The following MUC15 variants were observed in gnomAD, a reference collection of about 807,000 sequenced individuals.
MUC15 encodes mucin 15, cell surface associated.
In MUC15, 23 loss-of-function variants were observed where a neutral mutation model predicts 24.0. The ratio of observed to expected loss-of-function variants is 0.96; its 90% CI spans 0.69 to 1.36. The LOEUF (loss-of-function observed/expected upper bound fraction) is 1.36, where lower values mean the gene tolerates loss of function less well. MUC15 is among the 40% of genes most tolerant of loss of function. MUC15 has a pLI of 0.00. For missense variants in MUC15, 442 were observed against 428.2 expected, an observed-to-expected ratio of 1.03 and a Z score of -0.29; for synonymous variants, 151 against 156.3, an observed-to-expected ratio of 0.97 and a Z score of 0.25.
At chr11:26,563,707 A>G (rs1850396184) in intron 3 of MUC15, among the ~76,000 whole-genome samples, 1 of 151,864 alleles carries the variant, frequency 6.6e-6, no homozygotes, top group Non-Finnish European at 1.5e-5. Flanking sequence ...GTAATAGAAA[A>G]TGAGTCCACC....
intron 3 of MUC15, among the ~76,000 whole-genome samples, chr11:26,564,575 C>T (rs1045881596): frequency 2.7e-5 from 4 of 147,662 alleles, no homozygotes; most frequent in Admixed American, 1.4e-4. Flanking sequence ...TGACATAATC[C>T]TTAAATGAAA....
intron 2 of MUC15, 21 bp downstream of exon 2, chr11:26,567,031 A>G: frequency 1.4e-6 from 2 of 1,475,670 alleles, no homozygotes; most frequent in Non-Finnish European, 1.8e-6. Flanking sequence ...AGTTTACAGT[A>G]TCATCTTATT....
At chr11:26,569,286 G>T (rs1056840785) in intron 1 of MUC15, among the ~76,000 whole-genome samples, 1 of 152,104 alleles carries the variant, frequency 6.6e-6, no homozygotes, top group African/African-American at 2.4e-5. Context: ...TATCTCCCAG[G>T]AAAAGGAGAG....
chr11:26,570,117 C>A (rs1850761072), intron 1 of MUC15, among the ~76,000 whole-genome samples: 1 of 151,932 alleles, frequency 6.6e-6, no homozygotes, highest in South Asian at 2.1e-4. Flanking sequence ...TCTAAACTTT[C>A]CTGTATATAT....
intron 2 of MUC15, among the ~76,000 whole-genome samples, 196 bp downstream of exon 2, chr11:26,566,856 T>A (rs550302933): frequency 5.3e-4 from 81 of 152,072 alleles, no homozygotes; most frequent in African/African-American, 1.7e-3. Context: ...AGTTGCTTTA[T>A]CATCATTATA....
At chr11:26,565,954 T>A in intron 2 of MUC15, 58 bp from the exon 3 acceptor site, 1 of 1,379,610 alleles carries the variant, frequency 7.2e-7, no homozygotes, top group Non-Finnish European at 9.7e-7. Context: ...AGTTTTTAAA[T>A]GGATCTATAT....
chr11:26,571,141 C>T (rs1028784191), intron 1 of MUC15, among the ~76,000 whole-genome samples: 10 of 151,958 alleles, frequency 6.6e-5, no homozygotes, highest in African/African-American at 2.4e-4. Context: ...TCATAAAATT[C>T]AGTACTTAAC....
chr11:26,564,317 A>C (rs1850428228), intron 3 of MUC15, among the ~76,000 whole-genome samples: 1 of 151,600 alleles, frequency 6.6e-6, no homozygotes, highest in African/African-American at 2.4e-5. Flanking sequence ...CTTTTCCTAC[A>C]CACTGGCAAC....
At chr11:26,564,732 C>CACACAT (rs1565108986) in intron 3 of MUC15, among the ~76,000 whole-genome samples, 3 of 25,416 alleles carry the variant, frequency 1.2e-4, no homozygotes, top group African/African-American at 4.1e-4. Flanking sequence ...CACACACACA[C>CACACAT]ATATATATAT....
intron 1 of MUC15, among the ~76,000 whole-genome samples, chr11:26,570,018 C>T (rs1036880412): frequency 5.3e-5 from 8 of 151,794 alleles, no homozygotes; most frequent in African/African-American, 9.7e-5. Context: ...ATCACAAACT[C>T]GAAAACCTTC....
chr11:26,570,429 C>T (rs1405012789), intron 1 of MUC15, among the ~76,000 whole-genome samples: 1 of 152,072 alleles, frequency 6.6e-6, no homozygotes, highest in East Asian at 1.9e-4. Flanking sequence ...CTGTTGAAAT[C>T]GTGGGTCATA....
chr11:26,569,723 C>T (rs1370597719), intron 1 of MUC15, among the ~76,000 whole-genome samples: 2 of 152,052 alleles, frequency 1.3e-5, no homozygotes, highest in Non-Finnish European at 2.9e-5. Flanking sequence ...TAGCCTCTCT[C>T]CATCTCTGGA....
Position 26,565,180 on chromosome 11 carries a change from A to G in MUC15, c.760T>C (p.Ser254Pro). ...TNNSKLFPNT[S>P]DPQKENRNTG... is the part of the protein sequence containing the mutation. ...TTATATTTACCTTTTTGGGGATCTGACGTATTTGGAAAGAGTTTTGAATTA... is the reference window on the plus strand; with the variant it reads ...TTATATTTACCTTTTTGGGGATCTGGCGTATTTGGAAAGAGTTTTGAATTA... The change falls in exon 3 of 5, where the codon TCA (serine) becomes CCA (proline). Residue 254 changes from serine to proline, a missense_variant. Physicochemically the swap from Ser to Pro is moderately conservative, Grantham distance 74. Transcript: ENST00000529533. The G allele has an allele frequency of 1.5e-5, 23 of 1,505,542 alleles. No homozygotes were observed. The highest frequency in any genetic ancestry group is 2.0e-5 in the Non-Finnish European group (23 of 1,127,614). The allele number at this position is 1,505,542 out of a possible 1,614,324, so 93.3% of individuals were successfully genotyped here. A position where few individuals can be genotyped will look rare whatever the true frequency, so the allele number is the denominator to read the frequency against.
In MUC15 at chr11:26,565,405, A is replaced by T. The variant is rs773333779; in HGVS notation, c.535T>A (p.Ser179Thr). ...PALSSENFTWSLVNDTVKTPD... is the reference protein window; with the variant it reads ...PALSSENFTWTLVNDTVKTPD... Reference sequence around the variant, plus strand: ...GTTTTCACGGTGTCATTGACCAAAGACCAAGTGAAGTTTTCTGAAGACAGA... The same window carrying T: ...GTTTTCACGGTGTCATTGACCAAAGTCCAAGTGAAGTTTTCTGAAGACAGA... The change falls in exon 3 of 5, where the codon TCT becomes ACT. Residue 179 changes from serine (S) to threonine (T), a missense_variant. Ser to Thr is a moderately conservative substitution (Grantham distance 58). Transcript: ENST00000529533. The T allele has an allele frequency of 5.0e-6, 8 of 1,613,322 alleles. No individual in the cohort carries two copies. Among genetic ancestry groups the T allele is most frequent in the Non-Finnish European group, 6.8e-6 (8 of 1,179,522 alleles).
Position 26,560,926 on chromosome 11 carries a change from C to T in MUC15, c.*139G>A. 1 of 805,600 alleles carries T rather than the reference C, an allele frequency of 1.2e-6. No homozygotes were observed. 49.9% of individuals were successfully genotyped at this position (805,600 alleles called of 1,614,324 possible). A position where few individuals can be genotyped will look rare whatever the true frequency, so the allele number is the denominator to read the frequency against. ...ATGATACATCCTGTCTACATTTCTG[C>T]TACTGGTCTCCTGCTTTTATGATTC... is the stretch of plus-strand genomic sequence containing the variant. On this transcript the variant is annotated 3_prime_UTR_variant, in exon 5 of 5. Coordinates refer to ENST00000529533, the MANE Select transcript of MUC15 (RefSeq NM_001135091.2).
In MUC15 at chr11:26,560,417, C is replaced by T. The variant is rs1850241477; in HGVS notation, c.*648G>A. The T allele has an allele frequency of 6.6e-6, 1 of 152,108 alleles. No individual in the cohort carries two copies. The highest frequency in any genetic ancestry group is 1.5e-5 in the Non-Finnish European group (1 of 68,064). The allele number at this position is 152,108 out of a possible 1,614,324, so 9.4% of individuals were successfully genotyped here. Reference sequence around the variant, plus strand: ...AGACTTTTAAAGAAGCTATTACTTTCCTGGGTAGGGTCAGCTTTCCTGCCA... The same window carrying T: ...AGACTTTTAAAGAAGCTATTACTTTTCTGGGTAGGGTCAGCTTTCCTGCCA... On this transcript the variant is annotated 3_prime_UTR_variant, in exon 5 of 5. Coordinates refer to ENST00000529533, the MANE Select transcript of MUC15 (RefSeq NM_001135091.2).
rs777133919 is a variant in MUC15 at position 26,561,156 on chromosome 11, G to C, written c.995C>G (p.Thr332Ser). The C allele has an allele frequency of 6.2e-7, 1 of 1,612,802 alleles. No individual in the cohort carries two copies. The highest frequency in any genetic ancestry group is 1.1e-5 in the South Asian group (1 of 90,984). The change falls in exon 5 of 5, where the codon ACT (threonine) becomes AGT (serine). Residue 332 changes from threonine (T) to serine (S), a missense_variant. Coordinates refer to ENST00000529533, the MANE Select transcript of MUC15 (RefSeq NM_001135091.2). ...TTCTGGCATGGCTGAATCATTCAAA[G>C]TTGGATTGTAGTAGCTAGAATTCCC... ...SFGNSSYYNP[T>S]LNDSAMPESE...
intron 1 of MUC15, among the ~76,000 whole-genome samples, chr11:26,570,714 T>C (rs1465677407): frequency 6.6e-6 from 1 of 152,168 alleles, no homozygotes; most frequent in Non-Finnish European, 1.5e-5. Flanking sequence ...ACAGATGGGT[T>C]TTGTTTGTCT....
intron 1 of MUC15, among the ~76,000 whole-genome samples, chr11:26,568,362 AC>A (rs1182728909): frequency 6.6e-6 from 1 of 151,992 alleles, no homozygotes; most frequent in Non-Finnish European, 1.5e-5. Flanking sequence ...TTGGATTCAA[AC>A]CTTGACATGT....
Sources: gnomAD v4.1 joint callset for allele counts (sites outside exome capture counted in the v4.1 genomes callset) on GRCh38, gnomAD v4.1.1 for gene constraint, MANE v1.5 for transcripts, NCBI Gene and HGNC (gene_info 2026-07-23, HGNC 2026-07-21) for gene names.